The following GNG4 variants were observed in gnomAD, a reference collection of about 807,000 sequenced individuals.
The protein encoded by GNG4 is G protein subunit gamma 4, also known as guanine nucleotide-binding protein G(I)/G(S)/G(O) subunit gamma-4.
Under a neutral mutation model 5.8 loss-of-function variants are expected in GNG4, and 4 were observed. That is an observed-to-expected ratio of 0.69 (90% CI 0.34 to 1.57). GNG4 has a LOEUF of 1.57. GNG4 is among the 40% of genes most tolerant of loss of function. GNG4 has a pLI of 0.06. For synonymous variants in GNG4, 29 were observed against 32.9 expected (o/e 0.88, Z 0.41); for missense variants, 96 against 95.1 (o/e 1.01, Z -0.04).
Position 235,648,114 on chromosome 1 carries a change from T to A in GNG4, c.-123+1548A>T, listed in dbSNP as rs1030523459. 6.6e-6 allele frequency among the ~76,000 whole-genome samples: 1 copy of A among 152,150 alleles called. No homozygotes were observed. The highest frequency in any genetic ancestry group is 1.5e-5 in the Non-Finnish European group (1 of 68,036). On this transcript the variant is annotated intron_variant, in intron 1 of 3. Transcript: ENST00000391854. This position sits in a 1 kb window ranked among gnomAD's most constrained non-coding sequence, Gnocchi z 5.0. ...AATGGCCCCTTAGCTGTGCTGTTTC[T>A]GAGCCAGGCCTACATCCTCCACTGG...
At chr1:235,602,852 G>GA (rs1478402353) in intron 1 of GNG4, among the ~76,000 whole-genome samples, 1 of 152,184 alleles carries the variant, frequency 6.6e-6, no homozygotes, top group East Asian at 1.9e-4. Flanking sequence ...TCAGCTGTAA[G>GA]AAAAATTGGC....
At chr1:235,622,427 G>C (rs752124747) in intron 1 of GNG4, among the ~76,000 whole-genome samples, 2 of 152,178 alleles carry the variant, frequency 1.3e-5, no homozygotes, top group Non-Finnish European at 2.9e-5. Flanking sequence ...AAAAGAGTTA[G>C]ATGAGGCTGG....
chr1:235,640,143 C>T (rs974090245), intron 1 of GNG4, among the ~76,000 whole-genome samples: 1 of 152,114 alleles, frequency 6.6e-6, no homozygotes, highest in Non-Finnish European at 1.5e-5. Context: ...TCCATGCATT[C>T]AGCCTGGGGA....
intron 3 of GNG4, among the ~76,000 whole-genome samples, chr1:235,562,677 A>G (rs1272220537): frequency 6.6e-6 from 1 of 151,516 alleles, no homozygotes; most frequent in Non-Finnish European, 1.5e-5. Flanking sequence ...AAAAAAGAAA[A>G]AAAAAAAAGA....
intron 1 of GNG4, among the ~76,000 whole-genome samples, chr1:235,612,838 C>G (rs1295759270): frequency 2.0e-5 from 3 of 152,078 alleles, no homozygotes; most frequent in African/African-American, 7.2e-5. Context: ...AGCTTTTAAA[C>G]TACAAAATTT....
At chr1:235,567,496 C>T (rs2102924113) in intron 3 of GNG4, among the ~76,000 whole-genome samples, 1 of 152,298 alleles carries the variant, frequency 6.6e-6, no homozygotes, top group South Asian at 2.1e-4. Context: ...CTGGAGAACA[C>T]CATTCTCCTG....
chr1:235,579,412 A>T (rs1304224775), intron 3 of GNG4, among the ~76,000 whole-genome samples: 3 of 63,466 alleles, frequency 4.7e-5, no homozygotes, highest in Non-Finnish European at 7.6e-5. Flanking sequence ...ACATTAATAA[A>T]AAAAAAAAAG....
At chr1:235,627,533 G>C (rs1490519089) in intron 1 of GNG4, among the ~76,000 whole-genome samples, 1 of 152,064 alleles carries the variant, frequency 6.6e-6, no homozygotes, top group African/African-American at 2.4e-5. Flanking sequence ...CATAGTTTTA[G>C]ATGAAATGAG....
chr1:235,603,512 G>A (rs1688297922), intron 1 of GNG4, among the ~76,000 whole-genome samples: 1 of 152,100 alleles, frequency 6.6e-6, no homozygotes. Context: ...AGGGCTCTAC[G>A]TTTGCAGTAG....
intron 3 of GNG4, among the ~76,000 whole-genome samples, chr1:235,556,812 A>C (rs1402603355): frequency 6.6e-6 from 1 of 151,920 alleles, no homozygotes; most frequent in East Asian, 1.9e-4. Context: ...AATCAATGGG[A>C]GGCCTGAGCT....
chr1:235,598,994 T>C (rs1571906201), intron 1 of GNG4, among the ~76,000 whole-genome samples: 1 of 152,174 alleles, frequency 6.6e-6, no homozygotes, highest in African/African-American at 2.4e-5. Flanking sequence ...CCCAAAGTGC[T>C]GGGATTACAG....
At chr1:235,640,766 C>T (rs1359399296) in intron 1 of GNG4, among the ~76,000 whole-genome samples, 1 of 152,240 alleles carries the variant, frequency 6.6e-6, no homozygotes, top group African/African-American at 2.4e-5. Context: ...TGCAGGGCTC[C>T]AGGAAGAGTC....
At chr1:235,587,960 G>C (rs1418598793) in intron 2 of GNG4, among the ~76,000 whole-genome samples, 1 of 151,724 alleles carries the variant, frequency 6.6e-6, no homozygotes, top group Non-Finnish European at 1.5e-5. Flanking sequence ...GCACAGGTGG[G>C]TCATGTGGCG....
chr1:235,562,840 T>TA (rs754526072), intron 3 of GNG4, among the ~76,000 whole-genome samples: 1 of 152,124 alleles, frequency 6.6e-6, no homozygotes, highest in Non-Finnish European at 1.5e-5. Context: ...CAGAGTTTTG[T>TA]AGTTTTCCTC....
rs1686619399 is a variant in GNG4 at position 235,547,806 on chromosome 1, C to G, written c.*4303G>C. 6.6e-6 allele frequency: 1 copy of G among 152,162 alleles called. No homozygotes were observed. Among genetic ancestry groups the G allele is most frequent in the Non-Finnish European group, 1.5e-5 (1 of 68,054 alleles). 9.4% of individuals were successfully genotyped at this position (152,162 alleles called of 1,614,324 possible). On this transcript the variant is annotated 3_prime_UTR_variant, in exon 4 of 4. Coordinates refer to ENST00000391854, the MANE Select transcript of GNG4 (RefSeq NM_001098722.2). ...GGAAAGCACCCAGGTAACCGGCAAC[C>G]AGATCAAGAAACAGAACACCCCAGA...
intron 1 of GNG4, among the ~76,000 whole-genome samples, chr1:235,606,368 C>T (rs977423875): frequency 1.3e-5 from 2 of 151,944 alleles, no homozygotes; most frequent in African/African-American, 4.8e-5. Flanking sequence ...GGCGACAGAG[C>T]AAGACTCCGT....
In GNG4 at chr1:235,648,827, C is replaced by T. The variant is rs1203428539; in HGVS notation, c.-123+835G>A. Among the ~76,000 whole-genome samples the T allele has an allele frequency of 6.6e-6, 1 of 152,150 alleles. No individual in the cohort carries two copies. Among genetic ancestry groups the T allele is most frequent in the Non-Finnish European group, 1.5e-5 (1 of 68,034 alleles). ...GGGGAGACGGTGGGAGGCCCGGCGT[C>T]CATCATCCACTTTATTACTTGATCA... On this transcript the variant is annotated intron_variant, in intron 1 of 3. Transcript: ENST00000391854. The surrounding 1 kb of genome is among the most constrained non-coding windows in gnomAD (Gnocchi z 5.0).
Position 235,617,011 on chromosome 1 carries a change from G to A in GNG4, c.-122-21500C>T, listed in dbSNP as rs536610008. Among the ~76,000 whole-genome samples the A allele has an allele frequency of 2.5e-4, 38 of 149,146 alleles. No individual in the cohort carries two copies. In the South Asian group the frequency reaches 2.7e-3, roughly 11 times the overall value. ...GATCCATCTGTCTCAGCCTCCCAAA[G>A]TGCTGCCATTACAGGCGTGAGCCAC... On this transcript the variant is annotated intron_variant, in intron 1 of 3. Coordinates refer to ENST00000391854, the MANE Select transcript of GNG4 (RefSeq NM_001098722.2).
chr1:235,597,525 G>C (rs1688149873), intron 1 of GNG4, among the ~76,000 whole-genome samples: 2 of 150,168 alleles, frequency 1.3e-5, no homozygotes, highest in Admixed American at 6.6e-5. Context: ...ATCTTGTAAA[G>C]AGCTCTGACA....
Sources: gnomAD v4.1 joint callset for allele counts (sites outside exome capture counted in the v4.1 genomes callset) on GRCh38, gnomAD v4.1.1 for gene constraint, Gnocchi (gnomAD v3.1) non-coding constraint, MANE v1.5 for transcripts, NCBI Gene and HGNC (gene_info 2026-07-23, HGNC 2026-07-21) for gene names.